STXBP5L: variants seen among roughly 807,000 people sequenced by gnomAD.
The protein encoded by STXBP5L is syntaxin-binding protein 5-like.
A neutral mutation model predicts 144.5 loss-of-function variants in STXBP5L; 65 were observed. The observed-to-expected ratio is 0.45, with a 90% CI of 0.37 to 0.55. The LOEUF (loss-of-function observed/expected upper bound fraction) is 0.55. Ranked by LOEUF, STXBP5L falls within the 20% of genes least tolerant of loss-of-function variation. The pLI is 0.00. For synonymous variants in STXBP5L, 505 were observed against 469.6 expected, an observed-to-expected ratio of 1.08 and a Z score of -0.97; for missense variants, 1,298 against 1,405.5, an observed-to-expected ratio of 0.92 and a Z score of 1.22.
chr3:120,973,649 T>C (rs561637454), intron 3 of STXBP5L, among the ~76,000 whole-genome samples: 92 of 152,106 alleles, frequency 6.0e-4, no homozygotes, highest in Admixed American at 1.4e-3. Flanking sequence ...CCCATTAACT[T>C]GTCATTTAGC....
At chr3:121,102,266 C>A (rs1281357564) in intron 5 of STXBP5L, among the ~76,000 whole-genome samples, 1 of 151,960 alleles carries the variant, frequency 6.6e-6, no homozygotes, top group Non-Finnish European at 1.5e-5. Flanking sequence ...CAGTCCTAAG[C>A]AAAAAGAACA....
chr3:120,993,213 C>G (rs1408051688), intron 3 of STXBP5L, among the ~76,000 whole-genome samples: 11 of 151,922 alleles, frequency 7.2e-5, no homozygotes, highest in African/African-American at 2.4e-4. Flanking sequence ...GATATTAGTC[C>G]TTTGTTAGAT....
At chr3:121,283,528 A>G (rs2051129399) in intron 19 of STXBP5L, among the ~76,000 whole-genome samples, 1 of 151,992 alleles carries the variant, frequency 6.6e-6, no homozygotes, top group Non-Finnish European at 1.5e-5. Context: ...GATAACTGTG[A>G]TATTTCTTGA....
intron 3 of STXBP5L, among the ~76,000 whole-genome samples, chr3:121,036,518 A>G (rs1946763527): frequency 1.3e-5 from 2 of 152,110 alleles, no homozygotes; most frequent in South Asian, 4.1e-4. Context: ...ATCTAGCATG[A>G]TAGTAAATAG....
chr3:121,019,636 C>T (rs1374322260), intron 3 of STXBP5L, among the ~76,000 whole-genome samples: 1 of 152,174 alleles, frequency 6.6e-6, no homozygotes, highest in Non-Finnish European at 1.5e-5. Flanking sequence ...GCCCAGAGCC[C>T]AGTAGCTCCA....
At chr3:120,947,991 G>T (rs1177740362) in intron 2 of STXBP5L, among the ~76,000 whole-genome samples, 2 of 151,698 alleles carry the variant, frequency 1.3e-5, no homozygotes, top group Non-Finnish European at 3.0e-5. Context: ...GAATCATATG[G>T]TAACTCTGTA....
chr3:121,091,148 T>C (rs1473090148), intron 5 of STXBP5L, among the ~76,000 whole-genome samples: 3 of 148,386 alleles, frequency 2.0e-5, no homozygotes, highest in African/African-American at 7.6e-5. Context: ...ATGGTGTATA[T>C]GTGCCACATT....
chr3:121,396,175 A>C (rs1007354546), intron 22 of STXBP5L, among the ~76,000 whole-genome samples: 2 of 152,200 alleles, frequency 1.3e-5, no homozygotes, highest in African/African-American at 4.8e-5. Context: ...GCAGGCTCAA[A>C]AAATTTAGTT....
intron 19 of STXBP5L, among the ~76,000 whole-genome samples, chr3:121,291,005 A>T (rs1559940918): frequency 6.6e-6 from 1 of 152,156 alleles, no homozygotes. Flanking sequence ...AAAGATGCCC[A>T]CTTTCACCAC....
At chr3:121,063,140 T>A (rs1026962180) in intron 5 of STXBP5L, among the ~76,000 whole-genome samples, 1 of 152,216 alleles carries the variant, frequency 6.6e-6, no homozygotes, top group Non-Finnish European at 1.5e-5. Flanking sequence ...CCCATCTTTG[T>A]GGATTTATCT....
At chr3:121,413,419 A>G in intron 24 of STXBP5L, 96 bp downstream of exon 24, 2 of 1,143,152 alleles carry the variant, frequency 1.7e-6, no homozygotes, top group South Asian at 4.0e-5. Flanking sequence ...GTCAGACAAT[A>G]ATTATGCCCT....
intron 3 of STXBP5L, among the ~76,000 whole-genome samples, chr3:121,037,453 G>C (rs926792016): frequency 9.9e-5 from 15 of 151,892 alleles, no homozygotes; most frequent in African/African-American, 3.6e-4. Flanking sequence ...ATGAGATCTT[G>C]CTATGTTGCC....
rs200776442 is a variant in STXBP5L, at chr3:120,932,740, A to T, written c.190-22200A>T. On this transcript the variant is annotated intron_variant, in intron 2 of 26. Transcript: ENST00000471454. ...ATAAATCATGCTGCTATAAAGACAC[A>T]TGCACACGTATGTTTATTGCGGCAC... Among the ~76,000 whole-genome samples, 74 of 152,214 alleles carry T rather than the reference A, an allele frequency of 4.9e-4. No individual in the cohort carries two copies. In the East Asian group the frequency reaches 0.012, roughly 24 times the overall value.
intron 20 of STXBP5L, chr3:121,357,806 A>T (rs2045576757): frequency 6.6e-6 from 1 of 152,226 alleles, no homozygotes. Context: ...AGCATGCAGC[A>T]TAAAATGTCA....
chr3:121,396,343 T>A (rs553055066), intron 22 of STXBP5L, among the ~76,000 whole-genome samples: 1 of 152,362 alleles, frequency 6.6e-6, no homozygotes, highest in African/African-American at 2.4e-5. Context: ...ATATTCCACA[T>A]GGAGAAAAAT....
At chr3:121,111,843 C>A (rs1393598634) in intron 5 of STXBP5L, among the ~76,000 whole-genome samples, 1 of 151,728 alleles carries the variant, frequency 6.6e-6, no homozygotes, top group Non-Finnish European at 1.5e-5. Context: ...TCCACTGATC[C>A]ATGGAGAGAG....
chr3:121,325,485 CAA>C (rs1194467712), intron 20 of STXBP5L, among the ~76,000 whole-genome samples: 3 of 151,510 alleles, frequency 2.0e-5, no homozygotes, highest in African/African-American at 7.3e-5. Flanking sequence ...TTGGGAATTA[CAA>C]AAAATAATCA....
intron 5 of STXBP5L, among the ~76,000 whole-genome samples, chr3:121,093,693 A>G (rs896284366): frequency 6.6e-6 from 1 of 151,954 alleles, no homozygotes. Flanking sequence ...CTAGCCGTCT[A>G]TCAATTTTGT....
rs546861660 is a variant in STXBP5L, at chr3:120,993,866, G to C, written c.287+38829G>C. Among the ~76,000 whole-genome samples the C allele has an allele frequency of 5.3e-5, 8 of 151,882 alleles. 1 individual carries two copies. In the South Asian group the frequency reaches 1.5e-3, roughly 28 times the overall value. Reference sequence around the variant, plus strand: ...TGATTTTTTTAATAGAGATTGCATTGAATGTACAGATGGCTTTGGGTAGTA... The same window carrying C: ...TGATTTTTTTAATAGAGATTGCATTCAATGTACAGATGGCTTTGGGTAGTA... On this transcript the variant is annotated intron_variant, in intron 3 of 26. Coordinates refer to ENST00000471454, the MANE Select transcript of STXBP5L (RefSeq NM_001308330.2).
Sources: gnomAD v4.1 joint callset for allele counts (sites outside exome capture counted in the v4.1 genomes callset) on GRCh38, gnomAD v4.1.1 for gene constraint, MANE v1.5 for transcripts, NCBI Gene and HGNC (gene_info 2026-07-23, HGNC 2026-07-21) for gene names.